The following GALNT5 variants were observed in gnomAD, a reference collection of about 807,000 sequenced individuals.
GALNT5 encodes the protein UDP-GalNAc:polypeptide N-acetylgalactosaminyltransferase 5.
In GALNT5, 72 loss-of-function variants were observed where a neutral mutation model predicts 85.4. The ratio of observed to expected loss-of-function variants is 0.84; its 90% CI spans 0.70 to 1.03. The LOEUF (loss-of-function observed/expected upper bound fraction) is 1.03. GALNT5 is among the 50% of genes least tolerant of loss of function. GALNT5 has a pLI of 0.00. For synonymous variants in GALNT5, 404 were observed against 397.0 expected (o/e 1.02, Z -0.21); for missense variants, 1,137 against 1,135.5 (o/e 1.00, Z -0.02).
rs745360619 is a variant in GALNT5 at position 157,300,842 on chromosome 2, A to G, written c.2282A>G (p.Tyr761Cys). The stretch of plus-strand genomic sequence containing the variant: ...CTGGATGAGTATAAGGAGCTGTTCT[A>G]TGGCCACGGAGACCACCTCATCGAC... ...VWLDEYKELF[Y>C]GHGDHLIDQG... The change falls in exon 7 of 10, where the codon TAT (tyrosine) becomes TGT (cysteine). Residue 761 changes from tyrosine to cysteine, a missense_variant. Tyr to Cys is a radical substitution (Grantham distance 194). Coordinates refer to ENST00000259056, the MANE Select transcript of GALNT5 (RefSeq NM_014568.3). 6.8e-6 allele frequency: 11 copies of G among 1,613,952 alleles called. No individual in the cohort carries two copies. The highest frequency in any genetic ancestry group is 4.0e-5 in the African/African-American group (3 of 74,908).
At chr2:157,298,298 C>A (rs1251687619) in intron 5 of GALNT5, among the ~76,000 whole-genome samples, 2 of 152,140 alleles carry the variant, frequency 1.3e-5, no homozygotes, top group Non-Finnish European at 2.9e-5. Flanking sequence ...CCGATTAACA[C>A]CCACTTCCTA....
chr2:157,284,260 C>T (rs747926566), intron 1 of GALNT5, 22 bp from the exon 2 acceptor site: 7 of 1,609,592 alleles, frequency 4.3e-6, no homozygotes, highest in Middle Eastern at 1.8e-4. Flanking sequence ...ATCTCTTGTG[C>T]TCTGCTTATA....
chr2:157,259,477 T>C lies in GALNT5; in HGVS notation c.1395T>C (p.Asn465=), dbSNP rs781617745. The C allele has an allele frequency of 9.5e-5, 138 of 1,455,152 alleles. No individual in the cohort carries two copies. The highest frequency in any genetic ancestry group is 1.2e-4 in the Non-Finnish European group (135 of 1,101,136). The allele number at this position is 1,455,152 out of a possible 1,614,324, so 90.1% of individuals were successfully genotyped here. Residue 465 remains asparagine, a synonymous_variant, in exon 1 of 10, where the codon AAT becomes AAC. Transcript: ENST00000259056. ...AERRWKEGNF[N]VYLSDLIPVD... ...GAAGATGGAAAGAAGGAAACTTCAA[T>C]GTCTACCTTAGCGATTTGATCCCAG... is the stretch of plus-strand genomic sequence containing the variant.
chr2:157,271,450 G>A (rs530721775), intron 1 of GALNT5, among the ~76,000 whole-genome samples: 3 of 152,110 alleles, frequency 2.0e-5, no homozygotes, highest in African/African-American at 4.8e-5. Context: ...TGTGGAAGTA[G>A]TGTCCCTTTA....
rs1683657234 is a variant in GALNT5, at chr2:157,314,700, T to A, written c.*3352T>A. Among the ~76,000 whole-genome samples, 1 of 152,182 alleles carries A rather than the reference T, an allele frequency of 6.6e-6. No individual in the cohort carries two copies. The highest frequency in any genetic ancestry group is 2.4e-5 in the African/African-American group (1 of 41,454). On this transcript the variant is annotated 3_prime_UTR_variant, in exon 10 of 10. Transcript: ENST00000259056. ...TTATTTCTAGCAGGCACTCATGCAATAGAATAAGATTGAAACATGCCAGAG... is the reference window on the plus strand; with the variant it reads ...TTATTTCTAGCAGGCACTCATGCAAAAGAATAAGATTGAAACATGCCAGAG...
chr2:157,318,010 T>C lies in GALNT5; in HGVS notation c.*6662T>C, dbSNP rs776698902. On this transcript the variant is annotated 3_prime_UTR_variant, in exon 10 of 10. Coordinates refer to ENST00000259056, the MANE Select transcript of GALNT5 (RefSeq NM_014568.3). ...TCTGATACTTTAATATTGGTAAATA[T>C]AGTTTTTGACATTGCATTTTACAAT... 4.8e-4 allele frequency among the ~76,000 whole-genome samples: 73 copies of C among 152,178 alleles called. No homozygotes were observed. The highest frequency in any genetic ancestry group is 1.9e-4 in the East Asian group (1 of 5,204).
At chr2:157,275,030 G>A (rs1682687887) in intron 1 of GALNT5, among the ~76,000 whole-genome samples, 1 of 152,182 alleles carries the variant, frequency 6.6e-6, no homozygotes, top group African/African-American at 2.4e-5. Flanking sequence ...AAGGGATCCA[G>A]TTTCAGCTTT....
At chr2:157,275,813 T>A (rs1010555168) in intron 1 of GALNT5, among the ~76,000 whole-genome samples, 4 of 152,200 alleles carry the variant, frequency 2.6e-5, no homozygotes, top group Admixed American at 2.6e-4. Context: ...TGAATACCCT[T>A]TATTTCTTTC....
chr2:157,260,749 T>C (rs1682318842), intron 1 of GALNT5, among the ~76,000 whole-genome samples: 1 of 152,186 alleles, frequency 6.6e-6, no homozygotes, highest in South Asian at 2.1e-4. Flanking sequence ...TTATCCACAT[T>C]AGAAAGAAGA....
At chr2:157,295,556 C>A in intron 3 of GALNT5, 107 bp from the exon 4 acceptor site, 3 of 776,086 alleles carry the variant, frequency 3.9e-6, no homozygotes, top group South Asian at 2.2e-5. Flanking sequence ...AAGGTCACTG[C>A]ATTTATAGCC....
chr2:157,272,095 A>C (rs1682601763), intron 1 of GALNT5, among the ~76,000 whole-genome samples: 1 of 152,228 alleles, frequency 6.6e-6, no homozygotes, highest in Non-Finnish European at 1.5e-5. Context: ...TAATTGCATC[A>C]ACTGCCATTG....
intron 7 of GALNT5, among the ~76,000 whole-genome samples, chr2:157,304,346 G>A (rs1292661423): frequency 6.6e-6 from 1 of 152,164 alleles, no homozygotes; most frequent in Non-Finnish European, 1.5e-5. Flanking sequence ...TTCCATAGTT[G>A]CTTTGTTTCT....
intron 1 of GALNT5, among the ~76,000 whole-genome samples, chr2:157,274,961 T>C (rs1682686461): frequency 6.6e-6 from 1 of 152,246 alleles, no homozygotes; most frequent in African/African-American, 2.4e-5. Context: ...TTTACGGTTT[T>C]AGGTCTAACG....
rs1683719405 is a variant in GALNT5 at position 157,317,024 on chromosome 2, A to C, written c.*5676A>C. On this transcript the variant is annotated 3_prime_UTR_variant, in exon 10 of 10. Coordinates refer to ENST00000259056, the MANE Select transcript of GALNT5 (RefSeq NM_014568.3). ...TTTCTGTTTTATTATTGATTGACAG[A>C]TATTTACCAGTTTAAGGATATTGGT... Among the ~76,000 whole-genome samples, 1 of 151,784 alleles carries C rather than the reference A, an allele frequency of 6.6e-6. No homozygotes were observed. Among genetic ancestry groups the C allele is most frequent in the Non-Finnish European group, 1.5e-5 (1 of 67,918 alleles).
intron 1 of GALNT5, 123 bp from the exon 2 acceptor site, chr2:157,284,159 C>A: frequency 1.4e-6 from 1 of 719,218 alleles, no homozygotes. Flanking sequence ...ATAGATAGAC[C>A]AGACAGATCG....
intron 1 of GALNT5, among the ~76,000 whole-genome samples, chr2:157,261,844 T>TTTTTAA (rs1680019233): frequency 9.2e-5 from 14 of 152,290 alleles, no homozygotes; most frequent in Admixed American, 8.5e-4. Flanking sequence ...AAATTTGGCT[T>TTTTTAA]TATTTATTTT....
intron 7 of GALNT5, chr2:157,302,617 A>G (rs1281168812): frequency 2.0e-5 from 3 of 152,084 alleles, no homozygotes; most frequent in Non-Finnish European, 4.4e-5. Context: ...CACTATTCTA[A>G]TATTTCCCAT....
At chr2:157,269,596 T>C (rs910869686) in intron 1 of GALNT5, among the ~76,000 whole-genome samples, 3 of 152,142 alleles carry the variant, frequency 2.0e-5, no homozygotes, top group African/African-American at 4.8e-5. Context: ...AGGGTACTAA[T>C]AGTGAAATTA....
rs1682281871 is a variant in GALNT5, at chr2:157,259,295, T to A, written c.1213T>A (p.Tyr405Asn). Reference sequence around the variant, plus strand: ...AACTGCCAAAGCCCCCTCTACAGAATACAACCAGAGTCATATAAAAGCCCT... The same window carrying A: ...AACTGCCAAAGCCCCCTCTACAGAAAACAACCAGAGTCATATAAAAGCCCT... The part of the protein sequence containing the change: ...NITAKAPSTE[Y>N]NQSHIKALLP... The change falls in exon 1 of 10, where the codon TAC (tyrosine) becomes AAC (asparagine). Residue 405 changes from tyrosine (Y) to asparagine (N), a missense_variant. Tyr to Asn is a moderately radical substitution (Grantham distance 143). Coordinates refer to ENST00000259056, the MANE Select transcript of GALNT5 (RefSeq NM_014568.3). The A allele has an allele frequency of 6.2e-7, 1 of 1,607,830 alleles. No individual in the cohort carries two copies. Among genetic ancestry groups the A allele is most frequent in the Non-Finnish European group, 8.5e-7 (1 of 1,177,538 alleles).
Sources: gnomAD v4.1 joint callset for allele counts (sites outside exome capture counted in the v4.1 genomes callset) on GRCh38, gnomAD v4.1.1 for gene constraint, MANE v1.5 for transcripts, NCBI Gene and HGNC (gene_info 2026-07-23, HGNC 2026-07-21) for gene names.